CUX1: variants seen among roughly 807,000 people sequenced by gnomAD.
CUX1 encodes the protein cut like homeobox 1, also known as protein CASP.
A neutral mutation model predicts 158.8 loss-of-function variants in CUX1; 31 were observed. The observed-to-expected ratio is 0.20, with a 90% confidence interval of 0.15 to 0.26. The LOEUF is 0.26. Among genes scored for constraint, CUX1 ranks in the 10% least tolerant of loss-of-function variants. The probability of loss-of-function intolerance (pLI) is 1.00; values close to 1 mark genes in which losing one functional copy is unlikely to be tolerated. For synonymous variants in CUX1, 879 were observed against 862.1 expected (o/e 1.02, Z -0.34); for missense variants, 1,589 against 2,014.6 (o/e 0.79, Z 4.04).
intron 3 of CUX1, among the ~76,000 whole-genome samples, chr7:102,066,916 A>G (rs1334420485): frequency 2.0e-5 from 3 of 152,326 alleles, no homozygotes; most frequent in African/African-American, 4.8e-5. Context: ...ACAACACACT[A>G]TCTTACGTAT....
intron 1 of CUX1, among the ~76,000 whole-genome samples, chr7:101,839,955 T>G (rs1245644492): frequency 1.3e-5 from 2 of 152,186 alleles, no homozygotes; most frequent in Non-Finnish European, 2.9e-5. Flanking sequence ...ACAGATGGGG[T>G]TTCACCATGT....
chr7:101,835,046 AG>A (rs1794474760), intron 1 of CUX1, among the ~76,000 whole-genome samples: 1 of 152,022 alleles, frequency 6.6e-6, no homozygotes, highest in Non-Finnish European at 1.5e-5. Context: ...TAAAATCCAT[AG>A]GTGTTTGGTA....
upstream of CUX1, chr7:101,816,818 C>A (rs1791862237): frequency 3.6e-6 from 2 of 559,302 alleles, no homozygotes; most frequent in Admixed American, 6.7e-5. Flanking sequence ...CGGGCAGGCG[C>A]CCGCGCTCGC....
rs1554540098 is a variant in CUX1 at position 102,251,535 on chromosome 7, TGGG to T, written c.*2496_*2498del. ...GGCAGGCTGTTCGTTTGTCTTTTGT[TGGG>T]GGTATCATTTCTGAACTTGAAATCC... On this transcript the variant is annotated 3_prime_UTR_variant, in exon 24 of 24. Coordinates refer to ENST00000292535, the MANE Select transcript of CUX1 (RefSeq NM_181552.4). 4.1e-6 allele frequency: 4 copies of T among 985,294 alleles called. No homozygotes were observed. The highest frequency in any genetic ancestry group is 5.2e-4 in the Middle Eastern group (1 of 1,936). 61.0% of individuals were successfully genotyped at this position (985,294 alleles called of 1,614,324 possible). A position where few individuals can be genotyped will look rare whatever the true frequency, so the allele number is the denominator to read the frequency against.
chr7:101,916,276 T>C lies in CUX1; in HGVS notation c.141+51T>C, dbSNP rs772151104. On this transcript the variant is annotated intron_variant, in intron 2 of 23. Transcript: ENST00000292535. The surrounding 1 kb of genome is among the most constrained non-coding windows in gnomAD (Gnocchi z 4.4). Reference sequence around the variant, plus strand: ...CTTTGAAGGGATCTTAGAATGCTGGTGCATGTTCAGGCGACGCTCCGTGAG... The same window carrying C: ...CTTTGAAGGGATCTTAGAATGCTGGCGCATGTTCAGGCGACGCTCCGTGAG... 3.9e-5 allele frequency: 47 copies of C among 1,195,950 alleles called. No homozygotes were observed. The Admixed American group carries it at 6.4e-4, about 16-fold the overall frequency. 74.1% of individuals were successfully genotyped at this position (1,195,950 alleles called of 1,614,324 possible). A position where few individuals can be genotyped will look rare whatever the true frequency, so the allele number is the denominator to read the frequency against.
At chr7:101,914,055 CTTT>C (rs75163624) in intron 1 of CUX1, among the ~76,000 whole-genome samples, 1 of 145,042 alleles carries the variant, frequency 6.9e-6, no homozygotes, top group African/African-American at 2.5e-5. Context: ...TTCGGTTGCT[CTTT>C]TTTTTTTTTC....
At chr7:102,272,851 T>C (rs2132801743) in intron 14 of CUX1, among the ~76,000 whole-genome samples, 1 of 152,204 alleles carries the variant, frequency 6.6e-6, no homozygotes, top group Non-Finnish European at 1.5e-5. Context: ...ACCAAGCACC[T>C]CTGTTGTCAG....
intron 8 of CUX1, among the ~76,000 whole-genome samples, chr7:102,127,397 G>A (rs201520): frequency 0.52 from 79,279 of 151,672 alleles, 21,317 homozygotes; most frequent in Middle Eastern, 0.66. Flanking sequence ...TAGAGACAGG[G>A]TCTTGCCGTG....
downstream of CUX1, among the ~76,000 whole-genome samples, chr7:102,262,575 C>A (rs1039871605): frequency 6.6e-6 from 1 of 152,234 alleles, no homozygotes; most frequent in Non-Finnish European, 1.5e-5. Context: ...GCTGGCCCTG[C>A]CAGGGTCTTG....
In CUX1 at chr7:102,253,027, G is replaced by C; in HGVS notation, c.*3985G>C. On this transcript the variant is annotated 3_prime_UTR_variant, in exon 24 of 24. Coordinates refer to ENST00000292535, the MANE Select transcript of CUX1 (RefSeq NM_181552.4). Reference sequence around the variant, plus strand: ...CATCAAAACCTGCTACTTTGTGCAAGTAATTGAGGCAAAAGATACCAGTCG... The same window carrying C: ...CATCAAAACCTGCTACTTTGTGCAACTAATTGAGGCAAAAGATACCAGTCG... The C allele has an allele frequency of 2.0e-6, 2 of 985,456 alleles. No homozygotes were observed. Among genetic ancestry groups the C allele is most frequent in the Non-Finnish European group, 2.4e-6 (2 of 829,958 alleles). The allele number at this position is 985,456 out of a possible 1,614,324, so 61.0% of individuals were successfully genotyped here.
chr7:102,259,741 TAAAAA>T (rs11306437), downstream of CUX1, among the ~76,000 whole-genome samples: 12 of 74,614 alleles, frequency 1.6e-4, no homozygotes, highest in Admixed American at 3.7e-4. Context: ...TAAGAAATGT[TAAAAA>T]AAAAAAAAAA....
intron 1 of CUX1, among the ~76,000 whole-genome samples, chr7:101,889,379 A>G (rs1030104248): frequency 6.6e-6 from 1 of 152,064 alleles, no homozygotes; most frequent in African/African-American, 2.4e-5. Context: ...CCAGGTGCAC[A>G]TTGGCCTTTG....
chr7:102,263,679 GTTTAA>G (rs1790583428), intron 14 of CUX1, among the ~76,000 whole-genome samples: 2 of 151,908 alleles, frequency 1.3e-5, no homozygotes, highest in African/African-American at 4.8e-5. Context: ...TCACTTCTCT[GTTTAA>G]TTTATTATCT....
intron 4 of CUX1, among the ~76,000 whole-genome samples, chr7:102,084,024 T>C (rs1319076191): frequency 6.9e-6 from 1 of 145,828 alleles, no homozygotes; most frequent in Admixed American, 7.0e-5. Flanking sequence ...TAGCTGGGAC[T>C]ACAGGTGCCT....
At chr7:102,122,471 A>G (rs144307696) in intron 8 of CUX1, among the ~76,000 whole-genome samples, 1 of 151,988 alleles carries the variant, frequency 6.6e-6, no homozygotes, top group Non-Finnish European at 1.5e-5. Flanking sequence ...TCTCTGTACA[A>G]GTATTTTGCT....
chr7:102,165,414 G>A (rs537660821), intron 9 of CUX1, among the ~76,000 whole-genome samples: 15 of 144,956 alleles, frequency 1.0e-4, no homozygotes, highest in African/African-American at 1.8e-4. Context: ...GTTCAGTGGC[G>A]TGATCTTGAC....
chr7:102,007,277 C>T (rs79160644), intron 2 of CUX1, among the ~76,000 whole-genome samples: 2 of 152,120 alleles, frequency 1.3e-5, no homozygotes, highest in African/African-American at 4.8e-5. Context: ...CCCCTCAGTT[C>T]ATTCTCAGAT....
At chr7:102,075,050 G>GT (rs923381393) in intron 4 of CUX1, among the ~76,000 whole-genome samples, 2 of 151,998 alleles carry the variant, frequency 1.3e-5, no homozygotes, top group Non-Finnish European at 2.9e-5. Flanking sequence ...GTAGAGATGA[G>GT]TTTTCACCAT....
intron 8 of CUX1, among the ~76,000 whole-genome samples, chr7:102,122,444 A>G (rs1165122851): frequency 6.6e-6 from 1 of 151,290 alleles, no homozygotes; most frequent in African/African-American, 2.4e-5. Flanking sequence ...ATTTTGTAGA[A>G]TTCTTGGGAT....
Sources: allele counts gnomAD v4.1 joint callset (sites outside exome capture counted in the v4.1 genomes callset), GRCh38; gene constraint gnomAD v4.1.1; non-coding constraint Gnocchi (gnomAD v3.1); transcripts MANE v1.5; gene names NCBI Gene and HGNC (gene_info 2026-07-23, HGNC 2026-07-21).